Variants in NISCH observed in about 807,000 individuals in gnomAD.
The protein encoded by NISCH is nischarin.
A neutral mutation model predicts 138.4 loss-of-function variants in NISCH; 55 were observed. The ratio of observed to expected loss-of-function variants is 0.40; its 90% CI spans 0.32 to 0.50. NISCH has a LOEUF of 0.50. Among genes scored for constraint, NISCH ranks in the 20% least tolerant of loss-of-function variants. NISCH has a pLI of 0.71. For missense variants in NISCH, 1,643 were observed against 2,005.5 expected, an observed-to-expected ratio of 0.82 and a Z score of 3.45; for synonymous variants, 860 against 861.5, an observed-to-expected ratio of 1.00 and a Z score of 0.03.
In NISCH at chr3:52,478,633, C is replaced by G. The variant is rs573864927; in HGVS notation, c.1302+56C>G. On this transcript the variant is annotated intron_variant, in intron 11 of 20. Transcript: ENST00000345716. ...GGAGACCTTCGGGATGCAGTCAAGT[C>G]TGCATGGGCGGTAGGGGGATATATG... 6.5e-5 allele frequency: 99 copies of G among 1,521,634 alleles called. 1 individual carries two copies. In the East Asian group the frequency reaches 1.7e-3, roughly 26 times the overall value. 94.3% of individuals were successfully genotyped at this position (1,521,634 alleles called of 1,614,324 possible).
chr3:52,472,268 A>G lies in NISCH; in HGVS notation c.574-35A>G, dbSNP rs1198489580. 4 of 1,592,014 alleles carry G rather than the reference A, an allele frequency of 2.5e-6. No homozygotes were observed. The African/African-American group carries it at 5.4e-5, about 21-fold the overall frequency. On this transcript the variant is annotated intron_variant, in intron 5 of 20. Coordinates refer to ENST00000345716, the MANE Select transcript of NISCH (RefSeq NM_007184.4). ...CAGCACTCCCCGATGGGCATGCGACACTGTTCCCAATTTAAGCCTTATCTT... is the reference window on the plus strand; with the variant it reads ...CAGCACTCCCCGATGGGCATGCGACGCTGTTCCCAATTTAAGCCTTATCTT...
intron 13 of NISCH, among the ~76,000 whole-genome samples, chr3:52,483,582 G>A (rs754961901): frequency 2.0e-5 from 3 of 152,242 alleles, no homozygotes; most frequent in Non-Finnish European, 4.4e-5. Context: ...GGGTCAGAGT[G>A]CTGCTGTCCG....
rs904453529 is a variant in NISCH at position 52,458,922 on chromosome 3, C to G, written c.360+78C>G. On this transcript the variant is annotated intron_variant, in intron 3 of 20. Coordinates refer to ENST00000345716, the MANE Select transcript of NISCH (RefSeq NM_007184.4). Reference sequence around the variant, plus strand: ...CTTGAGGCAGCAAACCAGGGGAGACCTCAGCTTTGAGGTGGGCTGGGGTTT... The same window carrying G: ...CTTGAGGCAGCAAACCAGGGGAGACGTCAGCTTTGAGGTGGGCTGGGGTTT... 7 of 1,342,908 alleles carry G rather than the reference C, an allele frequency of 5.2e-6. No individual in the cohort carries two copies. The African/African-American group carries it at 1.0e-4, about 20-fold the overall frequency. 83.2% of individuals were successfully genotyped at this position (1,342,908 alleles called of 1,614,324 possible). A position where few individuals can be genotyped will look rare whatever the true frequency, so the allele number is the denominator to read the frequency against.
Position 52,491,409 on chromosome 3 carries a change from G to A in NISCH, c.3800G>A (p.Cys1267Tyr). 1 of 1,613,352 alleles carries A rather than the reference G, an allele frequency of 6.2e-7. No individual in the cohort carries two copies. Among genetic ancestry groups the A allele is most frequent in the Non-Finnish European group, 8.5e-7 (1 of 1,179,968 alleles). Residue 1267 changes from cysteine (C) to tyrosine (Y), a missense_variant, in exon 20 of 21, where the codon TGC becomes TAC. By Grantham distance (194) the Cys-to-Tyr change is radical (BLOSUM62 -2). Transcript: ENST00000345716. ...ACGCGGGACAGCTACCTGACGCACTGCTTCCTCCAGCACCTCATGGTCGTG... is the reference window on the plus strand; with the variant it reads ...ACGCGGGACAGCTACCTGACGCACTACTTCCTCCAGCACCTCATGGTCGTG... ...CLTRDSYLTH[C>Y]FLQHLMVVLS...
In NISCH at chr3:52,480,170, G is replaced by C; in HGVS notation, c.1417-14G>C. On this transcript the variant is annotated splice_polypyrimidine_tract_variant and intron_variant, in intron 12 of 20. Transcript: ENST00000345716. Reference sequence around the variant, plus strand: ...CCTCTTCTCTCCCGGGCTGACTCAAGCACTCGTCCTCAGGGTGGTGAAGAC... The same window carrying C: ...CCTCTTCTCTCCCGGGCTGACTCAACCACTCGTCCTCAGGGTGGTGAAGAC... 6.2e-7 allele frequency: 1 copy of C among 1,613,664 alleles called. No homozygotes were observed. Among genetic ancestry groups the C allele is most frequent in the South Asian group, 1.1e-5 (1 of 91,072 alleles).
At chr3:52,480,641 T>A in intron 13 of NISCH, 1 of 1,424,490 alleles carries the variant, frequency 7.0e-7, no homozygotes, top group Non-Finnish European at 9.1e-7. Context: ...CACAAGCAGG[T>A]TGGCTCCTGG....
At chr3:52,462,363 T>A (rs939696483) in intron 3 of NISCH, among the ~76,000 whole-genome samples, 10 of 152,222 alleles carry the variant, frequency 6.6e-5, no homozygotes, top group African/African-American at 2.4e-4. Flanking sequence ...CCCACCCAGC[T>A]ATGGCAACTA....
In NISCH at chr3:52,492,654, G is replaced by A. The variant is rs1024621761; in HGVS notation, c.*172G>A. 3.1e-6 allele frequency: 3 copies of A among 974,668 alleles called. No homozygotes were observed. Among genetic ancestry groups the A allele is most frequent in the East Asian group, 2.7e-5 (1 of 37,692 alleles). 60.4% of individuals were successfully genotyped at this position (974,668 alleles called of 1,614,324 possible). The stretch of plus-strand genomic sequence containing the variant: ...GTGTTAATTCTTTCTCATGTTGGGA[G>A]TGAGAATGCCGGGCCCCTCAGGGCT... On this transcript the variant is annotated 3_prime_UTR_variant, in exon 21 of 21. Transcript: ENST00000345716.
At chr3:52,468,350 C>T (rs1706845996) in intron 3 of NISCH, among the ~76,000 whole-genome samples, 1 of 152,166 alleles carries the variant, frequency 6.6e-6, no homozygotes, top group African/African-American at 2.4e-5. Context: ...AGCCTTGTGT[C>T]CTGAGAGGCC....
intron 3 of NISCH, among the ~76,000 whole-genome samples, chr3:52,464,853 A>G (rs1303005525): frequency 1.3e-5 from 2 of 151,806 alleles, no homozygotes; most frequent in Non-Finnish European, 2.9e-5. Flanking sequence ...TTTTTAGTAG[A>G]GACAGGGTTT....
chr3:52,484,462 T>TTGGCCCCC, intron 13 of NISCH, 51 bp from the exon 14 acceptor site: 224 of 788,658 alleles, frequency 2.8e-4, no homozygotes, highest in Non-Finnish European at 3.6e-4. Flanking sequence ...ACAGCCGCTC[T>TTGGCCCCC]CCCCGCCCCA....
intron 11 of NISCH, 88 bp downstream of exon 11, chr3:52,478,665 G>T: frequency 7.9e-7 from 1 of 1,267,096 alleles, no homozygotes; most frequent in East Asian, 2.4e-5. Context: ...TATGTCCATT[G>T]TTCTACCCTT....
chr3:52,466,640 C>T (rs1230349648), intron 3 of NISCH, among the ~76,000 whole-genome samples: 4 of 151,916 alleles, frequency 2.6e-5, no homozygotes, highest in Non-Finnish European at 4.4e-5. Context: ...TGGGGATGGC[C>T]TCAGTGACAT....
At chr3:52,466,282 A>T (rs1706777189) in intron 3 of NISCH, among the ~76,000 whole-genome samples, 1 of 152,022 alleles carries the variant, frequency 6.6e-6, no homozygotes, top group Non-Finnish European at 1.5e-5. Flanking sequence ...TGAGACGAGG[A>T]GGGCCGGGCA....
chr3:52,484,490 C>G (rs759537380), intron 13 of NISCH, 23 bp from the exon 14 acceptor site: 2 of 1,482,148 alleles, frequency 1.3e-6, no homozygotes, highest in East Asian at 2.5e-5. Context: ...TGCCTGCCTG[C>G]CCACCCGCCC....
At chr3:52,484,462 T>TTGCGCCC in intron 13 of NISCH, 51 bp from the exon 14 acceptor site, 2 of 788,670 alleles carry the variant, frequency 2.5e-6, no homozygotes, top group Non-Finnish European at 3.7e-6. Context: ...ACAGCCGCTC[T>TTGCGCCC]CCCCGCCCCA....
intron 3 of NISCH, among the ~76,000 whole-genome samples, chr3:52,466,712 G>A (rs893695366): frequency 6.6e-6 from 1 of 152,130 alleles, no homozygotes; most frequent in South Asian, 2.1e-4. Context: ...GTGCCAAGCC[G>A]AAGCATCTAG....
chr3:52,478,965 C>T (rs1209113812), intron 11 of NISCH, among the ~76,000 whole-genome samples: 1 of 152,176 alleles, frequency 6.6e-6, no homozygotes. Flanking sequence ...GCTGACCAGA[C>T]ACCCTTAACC....
intron 9 of NISCH, chr3:52,477,881 C>G (rs1707149984): frequency 1.6e-6 from 1 of 634,838 alleles, no homozygotes; most frequent in Non-Finnish European, 2.8e-6. Context: ...GGTGGACAGC[C>G]ATGTTTTCAA....
Sources: allele counts gnomAD v4.1 joint callset (sites outside exome capture counted in the v4.1 genomes callset), GRCh38; gene constraint gnomAD v4.1.1; transcripts MANE v1.5; gene names NCBI Gene and HGNC (gene_info 2026-07-23, HGNC 2026-07-21).